BLTP3B: variants seen among roughly 807,000 people sequenced by gnomAD.
BLTP3B encodes bridge-like lipid transfer protein family member 3B.
At chr12:100,124,826 G>A in the BLTP3B span, among the ~76,000 whole-genome samples, 3 of 150,338 alleles carry the variant, frequency 2.0e-5, no homozygotes. Context: ...GAAGGCTGAG[G>A]CAGAAGGATC....
the BLTP3B span, among the ~76,000 whole-genome samples, chr12:100,071,978 G>T: frequency 6.6e-6 from 1 of 152,224 alleles, no homozygotes; most frequent in African/African-American, 2.4e-5. Context: ...AATACCAGAT[G>T]TGCTGGACAT....
At chr12:100,113,319 T>C in the BLTP3B span, among the ~76,000 whole-genome samples, 1 of 151,330 alleles carries the variant, frequency 6.6e-6, no homozygotes, top group Admixed American at 6.6e-5. Flanking sequence ...CTACTAAAAA[T>C]ACAGAAAAAT....
the BLTP3B span, chr12:100,058,469 A>C: frequency 6.2e-7 from 1 of 1,613,384 alleles, no homozygotes; most frequent in Middle Eastern, 1.7e-4. Flanking sequence ...GGCTAAGGTC[A>C]ACACTCATAG....
the BLTP3B span, chr12:100,083,062 A>C: frequency 6.2e-7 from 1 of 1,613,888 alleles, no homozygotes; most frequent in Non-Finnish European, 8.5e-7. Context: ...AGAACTAGAC[A>C]TTAGCTTAGC....
At chr12:100,072,461 C>T in the BLTP3B span, among the ~76,000 whole-genome samples, 1 of 151,870 alleles carries the variant, frequency 6.6e-6, no homozygotes, top group Non-Finnish European at 1.5e-5. Flanking sequence ...AATCCCAACA[C>T]TTTGGGAGGC....
chr12:100,098,993 T>TTTATTA, the BLTP3B span, among the ~76,000 whole-genome samples: 30,350 of 141,538 alleles, frequency 0.21, 4,972 homozygotes, highest in African/African-American at 0.46. Flanking sequence ...ACGTCACCAT[T>TTTATTA]TTATTATTTT....
chr12:100,125,157 C>T, the BLTP3B span, among the ~76,000 whole-genome samples: 4 of 149,160 alleles, frequency 2.7e-5, no homozygotes, highest in African/African-American at 7.4e-5. Context: ...CATGGTGAAA[C>T]CCCGTCTCTA....
the BLTP3B span, among the ~76,000 whole-genome samples, chr12:100,100,552 A>T: frequency 6.6e-6 from 1 of 151,908 alleles, no homozygotes; most frequent in African/African-American, 2.4e-5. Context: ...CTCTACAAAA[A>T]ATACAAAAAA....
chr12:100,090,080 G>A, the BLTP3B span, among the ~76,000 whole-genome samples: 42,993 of 152,098 alleles, frequency 0.28, 8,907 homozygotes, highest in African/African-American at 0.59. Flanking sequence ...ACTGTAAGTA[G>A]ATTGCCCTGT....
At chr12:100,139,757 C>G in the BLTP3B span, among the ~76,000 whole-genome samples, 1 of 152,280 alleles carries the variant, frequency 6.6e-6, no homozygotes, top group East Asian at 1.9e-4. Flanking sequence ...AGCCTCAAGA[C>G]AAAAATCCCT....
At chr12:100,068,092 C>T in the BLTP3B span, among the ~76,000 whole-genome samples, 1 of 152,146 alleles carries the variant, frequency 6.6e-6, no homozygotes, top group Non-Finnish European at 1.5e-5. Flanking sequence ...TACCTGATTT[C>T]AAACTATACT....
the BLTP3B span, among the ~76,000 whole-genome samples, chr12:100,089,834 C>T: frequency 6.6e-6 from 1 of 152,002 alleles, no homozygotes; most frequent in African/African-American, 2.4e-5. Flanking sequence ...AATGGTAGTC[C>T]CACAATTCCC....
the BLTP3B span, among the ~76,000 whole-genome samples, chr12:100,074,061 G>A: frequency 6.6e-6 from 1 of 152,118 alleles, no homozygotes; most frequent in South Asian, 2.1e-4. Context: ...ATCCAAATAG[G>A]AAAAGAAGTC....
the BLTP3B span, among the ~76,000 whole-genome samples, chr12:100,125,456 G>C: frequency 6.6e-6 from 1 of 152,120 alleles, no homozygotes; most frequent in African/African-American, 2.4e-5. Flanking sequence ...TTTGAGACCA[G>C]TCTGGGAAAC....
the BLTP3B span, chr12:100,058,457 A>G: frequency 5.0e-6 from 8 of 1,613,374 alleles, no homozygotes; most frequent in Non-Finnish European, 5.9e-6. Context: ...TTAAAGGGAT[A>G]TGGCTAAGGT....
the BLTP3B span, chr12:100,050,970 C>T: frequency 7.0e-7 from 1 of 1,423,548 alleles, no homozygotes; most frequent in Non-Finnish European, 9.4e-7. Context: ...AATTGCCCAC[C>T]ATCTAAGAAT....
chr12:100,119,370 A>G, the BLTP3B span, among the ~76,000 whole-genome samples: 1 of 152,192 alleles, frequency 6.6e-6, no homozygotes, highest in South Asian at 2.1e-4. Context: ...AATTCTCTCA[A>G]AAAGACTTAC....
At chr12:100,097,104 T>A in the BLTP3B span, among the ~76,000 whole-genome samples, 1 of 151,894 alleles carries the variant, frequency 6.6e-6, no homozygotes, top group Non-Finnish European at 1.5e-5. Flanking sequence ...AAGATAAAAA[T>A]AAAAAGAACA....
chr12:100,066,445 T>C, the BLTP3B span, among the ~76,000 whole-genome samples: 1 of 152,080 alleles, frequency 6.6e-6, no homozygotes, highest in African/African-American at 2.4e-5. Context: ...AATACTCAAC[T>C]GACAGCACTA....
Sources: allele counts gnomAD v4.1 joint callset (sites outside exome capture counted in the v4.1 genomes callset), GRCh38; gene constraint gnomAD v4.1.1; transcripts MANE v1.5; gene names NCBI Gene and HGNC (gene_info 2026-07-23, HGNC 2026-07-21).